FAM53B: variants seen among roughly 807,000 people sequenced by gnomAD.
FAM53B encodes the protein family with sequence similarity 53 member B.
FAM53B carries 12 observed loss-of-function variants against 32.7 expected under a neutral mutation model. The ratio of observed to expected loss-of-function variants is 0.37; its 90% CI spans 0.24 to 0.59. The LOEUF (loss-of-function observed/expected upper bound fraction) is 0.59, where lower values mean the gene tolerates loss of function less well. Ranked by LOEUF, FAM53B falls within the 20% of genes least tolerant of loss-of-function variation. The pLI, the probability that FAM53B is intolerant of heterozygous loss-of-function variation, is 0.72. For synonymous variants in FAM53B, 234 were observed against 228.7 expected (o/e 1.02, Z -0.21); for missense variants, 477 against 577.7 (o/e 0.83, Z 1.79).
intron 1 of FAM53B, among the ~76,000 whole-genome samples, chr10:124,737,053 A>C (rs1950177453): frequency 1.3e-5 from 2 of 152,270 alleles, no homozygotes; most frequent in Admixed American, 1.3e-4. Context: ...TGTCTTCAGC[A>C]ATGAAATCGG....
At chr10:124,667,401 T>G (rs1478388966) in intron 4 of FAM53B, 1 of 770,482 alleles carries the variant, frequency 1.3e-6, no homozygotes, top group Non-Finnish European at 2.4e-6. Flanking sequence ...GATAACGATG[T>G]GCCTTCCTCA....
intron 1 of FAM53B, among the ~76,000 whole-genome samples, chr10:124,712,961 C>G (rs1258128333): frequency 6.6e-6 from 1 of 152,256 alleles, no homozygotes; most frequent in Non-Finnish European, 1.5e-5. Flanking sequence ...TGCCCAAGAA[C>G]GGCCCCAAAC....
intron 4 of FAM53B, among the ~76,000 whole-genome samples, chr10:124,669,988 CCGAG>C: frequency 2.0e-5 from 3 of 152,030 alleles, no homozygotes; most frequent in Non-Finnish European, 2.9e-5. Context: ...GACCACACAC[CCGAG>C]GGAGGACGCC....
intron 4 of FAM53B, among the ~76,000 whole-genome samples, chr10:124,648,598 C>T (rs1196057142): frequency 6.6e-6 from 1 of 152,286 alleles, no homozygotes; most frequent in Non-Finnish European, 1.5e-5. Flanking sequence ...ACTAGAAATG[C>T]AACAGCAGAG....
intron 4 of FAM53B, among the ~76,000 whole-genome samples, chr10:124,675,534 G>A (rs1470769249): frequency 1.3e-5 from 2 of 152,192 alleles, no homozygotes; most frequent in African/African-American, 4.8e-5. Flanking sequence ...AGATCCATGC[G>A]ACATGATTCC....
intron 1 of FAM53B, among the ~76,000 whole-genome samples, chr10:124,742,064 G>T (rs1180083032): frequency 6.7e-6 from 1 of 150,356 alleles, no homozygotes; most frequent in Admixed American, 6.7e-5. Context: ...AATTTAAATC[G>T]CCTCGTTCTC....
intron 1 of FAM53B, among the ~76,000 whole-genome samples, chr10:124,715,405 G>A (rs1455128290): frequency 6.6e-6 from 1 of 152,196 alleles, no homozygotes; most frequent in Admixed American, 6.5e-5. Flanking sequence ...GGGTGCTCCT[G>A]GGCCTGCAGG....
intron 4 of FAM53B, among the ~76,000 whole-genome samples, chr10:124,676,217 T>C (rs9888016): frequency 0.059 from 8,958 of 152,264 alleles, 876 homozygotes; most frequent in African/African-American, 0.2. Context: ...ATTTCTTTCA[T>C]TGCAATGGGC....
intron 3 of FAM53B, among the ~76,000 whole-genome samples, chr10:124,684,519 T>TA (rs869179331): frequency 4.6e-5 from 7 of 152,088 alleles, no homozygotes; most frequent in South Asian, 4.1e-4. Flanking sequence ...TAATATACAG[T>TA]AAAAAAAAAT....
At chr10:124,701,089 G>A (rs1420589984) in intron 2 of FAM53B, among the ~76,000 whole-genome samples, 1 of 152,226 alleles carries the variant, frequency 6.6e-6, no homozygotes, top group African/African-American at 2.4e-5. Flanking sequence ...TGGTATCTCT[G>A]CCTGCCCAGG....
chr10:124,704,686 G>A (rs1243949537), intron 2 of FAM53B, among the ~76,000 whole-genome samples: 1 of 152,232 alleles, frequency 6.6e-6, no homozygotes, highest in Non-Finnish European at 1.5e-5. Flanking sequence ...CAGTCACATG[G>A]ACAAGAATAT....
intron 1 of FAM53B, among the ~76,000 whole-genome samples, chr10:124,723,350 C>T (rs1288574737): frequency 6.6e-6 from 1 of 152,186 alleles, no homozygotes; most frequent in African/African-American, 2.4e-5. Flanking sequence ...AGGGGGTTTC[C>T]GATAGCTATC....
intron 4 of FAM53B, among the ~76,000 whole-genome samples, chr10:124,631,508 G>C (rs946999474): frequency 6.6e-6 from 1 of 152,172 alleles, no homozygotes; most frequent in Non-Finnish European, 1.5e-5. Flanking sequence ...CAGCAACAGA[G>C]GGTTACTCAT....
chr10:124,629,172 G>C (rs1311706199), intron 4 of FAM53B, among the ~76,000 whole-genome samples: 1 of 152,232 alleles, frequency 6.6e-6, no homozygotes, highest in African/African-American at 2.4e-5. Context: ...CCTGGCCCCA[G>C]CCTGCCTGGC....
intron 4 of FAM53B, among the ~76,000 whole-genome samples, chr10:124,666,880 G>C (rs1302689079): frequency 1.3e-5 from 2 of 152,218 alleles, no homozygotes; most frequent in Non-Finnish European, 2.9e-5. Flanking sequence ...GTCTCCTGGG[G>C]CCTGCTATAC....
Position 124,682,047 on chromosome 10 carries a change from A to G in FAM53B, c.466T>C (p.Ser156Pro). Residue 156 changes from serine (S) to proline (P), a missense_variant, in exon 4 of 5, where the codon TCC becomes CCC. By Grantham distance (74) the Ser-to-Pro change is moderately conservative. Around this residue, in one of 2 missense-constraint regions of FAM53B, gnomAD observed 312 missense variants for 420.2 expected, o/e 0.74. Transcript: ENST00000337318. The surrounding 1 kb of genome is among the most constrained non-coding windows in gnomAD (Gnocchi z 5.2). ...CTCTGCATGGTGCTGAAGCCGTTGG[A>G]ATAGCGCTGGACGCTGCCCCCGCTG... ...CYSGGSVQRY[S>P]NGFSTMQRSS... The G allele has an allele frequency of 6.2e-7, 1 of 1,613,728 alleles. No individual in the cohort carries two copies.
At chr10:124,625,333 TG>T (rs1201716711) in intron 4 of FAM53B, among the ~76,000 whole-genome samples, 1 of 152,126 alleles carries the variant, frequency 6.6e-6, no homozygotes, top group African/African-American at 2.4e-5. Context: ...GCTGAGGTGT[TG>T]GGGGGAGCTC....
chr10:124,692,445 T>C (rs1170879158), intron 3 of FAM53B, among the ~76,000 whole-genome samples: 1 of 152,130 alleles, frequency 6.6e-6, no homozygotes, highest in Non-Finnish European at 1.5e-5. Context: ...CCAGGCGCGG[T>C]GGCTCATGCC....
chr10:124,706,766 C>A lies in FAM53B; in HGVS notation c.-53G>T. On this transcript the variant is annotated 5_prime_UTR_variant, in exon 2 of 5. Coordinates refer to ENST00000337318, the MANE Select transcript of FAM53B (RefSeq NM_014661.4). ...TCCCAGGGTGGGTATCAGCCATCTT[C>A]ACTTGGGCAGACTTGGGGTGAGTAC... The A allele has an allele frequency of 1.9e-6, 3 of 1,613,148 alleles. No homozygotes were observed. Among genetic ancestry groups the A allele is most frequent in the South Asian group, 1.1e-5 (1 of 91,060 alleles).
Sources: allele counts gnomAD v4.1 joint callset (sites outside exome capture counted in the v4.1 genomes callset), GRCh38; gene constraint gnomAD v4.1.1; regional missense constraint gnomAD v4.1.1; non-coding constraint Gnocchi (gnomAD v3.1); transcripts MANE v1.5; gene names NCBI Gene and HGNC (gene_info 2026-07-23, HGNC 2026-07-21).